GSE1: variants seen among roughly 807,000 people sequenced by gnomAD.
GSE1 encodes genetic suppressor element 1.
A neutral mutation model predicts 112.6 loss-of-function variants in GSE1; 32 were observed. The observed-to-expected ratio is 0.28, with a 90% CI of 0.21 to 0.38. The LOEUF (loss-of-function observed/expected upper bound fraction) is 0.38. Among genes scored for constraint, GSE1 ranks in the 10% least tolerant of loss-of-function variants. GSE1 has a pLI of 1.00. For missense variants in GSE1, 2,348 were observed against 1,699.2 expected (o/e 1.38, Z -6.71); for synonymous variants, 1,115 against 735.6 (o/e 1.52, Z -8.35).
rs558364559 is a variant in GSE1 at position 85,672,262 on chromosome 16, T to G, written c.3520-143T>G. Reference sequence around the variant, plus strand: ...TGCCCGCCTCGACCTCCAAAAGTGCTGGGATTACAGGCGTGAGCCACCACG... The same window carrying G: ...TGCCCGCCTCGACCTCCAAAAGTGCGGGGATTACAGGCGTGAGCCACCACG... On this transcript the variant is annotated intron_variant, in intron 15 of 15. Transcript: ENST00000253458. 3 of 650,540 alleles carry G rather than the reference T, an allele frequency of 4.6e-6. No homozygotes were observed. In the African/African-American group the frequency reaches 5.4e-5, roughly 12 times the overall value. 40.3% of individuals were successfully genotyped at this position (650,540 alleles called of 1,614,324 possible).
intron 2 of GSE1, among the ~76,000 whole-genome samples, chr16:85,357,840 G>A (rs1343577778): frequency 2.0e-5 from 3 of 152,228 alleles, no homozygotes; most frequent in Non-Finnish European, 2.9e-5. Flanking sequence ...TTCCAAAACC[G>A]TAGTTTCATC....
chr16:85,255,405 G>T (rs916130386), intron 1 of GSE1, among the ~76,000 whole-genome samples: 3 of 150,574 alleles, frequency 2.0e-5, no homozygotes. Context: ...GGTGATGTCA[G>T]TGCCTACTTT....
intron 1 of GSE1, among the ~76,000 whole-genome samples, chr16:85,570,687 C>A (rs2045946717): frequency 6.6e-6 from 1 of 152,204 alleles, no homozygotes; most frequent in African/African-American, 2.4e-5. Context: ...GTTCTCCTTG[C>A]CCTGGTTTGG....
chr16:85,569,256 C>G (rs1046449038), intron 1 of GSE1, among the ~76,000 whole-genome samples: 1 of 152,194 alleles, frequency 6.6e-6, no homozygotes, highest in African/African-American at 2.4e-5. Flanking sequence ...ACGGTCAGTG[C>G]TCACTCCTGT....
At position 85,280,465 on chromosome 16, in the gene GSE1, G is replaced by A. The variant is rs535298538; in HGVS notation, c.2284-76998G>A. On this transcript the variant is annotated intron_variant, in intron 1 of 2. Transcript: ENST00000637419. ...GGCTGGAGTGTAGTGGTGCAGTCTC[G>A]GCTCAGTGCAACCTCCACCTCCTGG... Among the ~76,000 whole-genome samples the A allele has an allele frequency of 1.1e-3, 165 of 152,224 alleles. 2 individuals carry two copies. Among genetic ancestry groups the A allele is most frequent in the African/African-American group, 3.6e-3 (151 of 41,542 alleles).
chr16:85,412,651 G>A (rs1433185082), intron 2 of GSE1, among the ~76,000 whole-genome samples: 1 of 43,110 alleles, frequency 2.3e-5, no homozygotes, highest in South Asian at 1.9e-3. Flanking sequence ...AATCCTCACC[G>A]TTACACTCAG....
intron 1 of GSE1, among the ~76,000 whole-genome samples, chr16:85,629,539 G>A (rs191867455): frequency 3.9e-5 from 6 of 152,356 alleles, no homozygotes; most frequent in Non-Finnish European, 8.8e-5. Flanking sequence ...GCCCTGGCTG[G>A]CTTGTCACAT....
rs1006062801 is a variant in GSE1 at position 85,299,820 on chromosome 16, C to T, written c.2284-57643C>T. ...CCAAGTGTGGTGGCATACATAATCA[C>T]AGCTAATCAGGAGGCAGAGGCAGGA... On this transcript the variant is annotated intron_variant, in intron 1 of 2. Transcript: ENST00000637419. Among the ~76,000 whole-genome samples, 4 of 151,622 alleles carry T rather than the reference C, an allele frequency of 2.6e-5. No homozygotes were observed. The East Asian group carries it at 7.8e-4, about 30-fold the overall frequency.
intron 1 of GSE1, among the ~76,000 whole-genome samples, chr16:85,572,339 C>G (rs895020548): frequency 1.4e-5 from 2 of 146,824 alleles, no homozygotes; most frequent in Non-Finnish European, 3.0e-5. Context: ...ACACCACATA[C>G]CCCTCCACAC....
At chr16:85,426,716 G>GGATA (rs1479994959) in intron 2 of GSE1, among the ~76,000 whole-genome samples, 2 of 151,764 alleles carry the variant, frequency 1.3e-5, no homozygotes, top group Admixed American at 1.3e-4. Context: ...ATGGATGGAT[G>GGATA]GATGGATGGA....
chr16:85,319,059 G>A (rs2046044014), intron 1 of GSE1, among the ~76,000 whole-genome samples: 1 of 152,094 alleles, frequency 6.6e-6, no homozygotes, highest in South Asian at 2.1e-4. Flanking sequence ...GTGGAGTGGC[G>A]GTGACATTAG....
intron 2 of GSE1, among the ~76,000 whole-genome samples, chr16:85,420,732 G>A (rs1404928131): frequency 6.6e-6 from 1 of 152,208 alleles, no homozygotes; most frequent in Non-Finnish European, 1.5e-5. Context: ...GCCAGCAGCT[G>A]CCTTCCCTTG....
intron 2 of GSE1, among the ~76,000 whole-genome samples, chr16:85,449,592 T>C (rs1347616694): frequency 1.3e-5 from 2 of 152,264 alleles, no homozygotes; most frequent in Non-Finnish European, 2.9e-5. Flanking sequence ...TCCTGCCCTC[T>C]CTTCCGGAAT....
At chr16:85,256,970 G>A (rs562307387) in intron 1 of GSE1, among the ~76,000 whole-genome samples, 17 of 152,234 alleles carry the variant, frequency 1.1e-4, no homozygotes, top group South Asian at 1.0e-3. Flanking sequence ...TTTCTGTCAC[G>A]ATACTTTGTA....
At chr16:85,665,203 C>G (rs778354233) in intron 12 of GSE1, 75 bp downstream of exon 12, 1 of 808,394 alleles carries the variant, frequency 1.2e-6, no homozygotes, top group Non-Finnish European at 2.1e-6. Flanking sequence ...GGCGACCACT[C>G]GAGGTCTTCA....
intron 2 of GSE1, among the ~76,000 whole-genome samples, chr16:85,635,778 T>A (rs540135242): frequency 2.6e-5 from 4 of 152,314 alleles, no homozygotes; most frequent in African/African-American, 9.6e-5. Flanking sequence ...AGCAGCTGTG[T>A]CTGCTTTGGG....
chr16:85,184,504 A>G (rs1040342008), intron 1 of GSE1, among the ~76,000 whole-genome samples: 1 of 152,134 alleles, frequency 6.6e-6, no homozygotes, highest in Non-Finnish European at 1.5e-5. Flanking sequence ...CATTCCCCAT[A>G]TGCTTCCCTC....
intron 2 of GSE1, among the ~76,000 whole-genome samples, chr16:85,384,864 G>T (rs925988593): frequency 6.6e-5 from 10 of 152,236 alleles, no homozygotes; most frequent in African/African-American, 2.4e-4. Flanking sequence ...TCCGAGTCTT[G>T]CTGGGCTTTT....
intron 2 of GSE1, among the ~76,000 whole-genome samples, chr16:85,383,665 C>T (rs1416748971): frequency 6.6e-6 from 1 of 152,170 alleles, no homozygotes; most frequent in Admixed American, 6.5e-5. Context: ...CTGCCTCCCT[C>T]TCATTGCCTC....
Sources: gnomAD v4.1 joint callset for allele counts (sites outside exome capture counted in the v4.1 genomes callset) on GRCh38, gnomAD v4.1.1 for gene constraint, MANE v1.5 for transcripts, NCBI Gene and HGNC (gene_info 2026-07-23, HGNC 2026-07-21) for gene names.